Variants in FOXP2 observed in about 807,000 individuals in gnomAD.
FOXP2 encodes forkhead box protein P2.
FOXP2 carries 12 observed loss-of-function variants against 115.8 expected under a neutral mutation model. The ratio of observed to expected loss-of-function variants is 0.10; its 90% confidence interval spans 0.07 to 0.17. The LOEUF (loss-of-function observed/expected upper bound fraction) is 0.17, where lower values mean the gene tolerates loss of function less well. Ranked by LOEUF, FOXP2 falls within the 10% of genes least tolerant of loss-of-function variation. The pLI is 1.00. For synonymous variants in FOXP2, 328 were observed against 297.7 expected (o/e 1.10, Z -1.05); for missense variants, 629 against 843.5 (o/e 0.75, Z 3.15).
In FOXP2 at chr7:114,282,358, A is replaced by G. The variant is rs569367430; in HGVS notation, c.-101-5661A>G. On this transcript the variant is annotated intron_variant, in intron 1 of 17. Transcript: ENST00000634411. ...CTTAACTCCAAAATTTATGACCTCA[A>G]TAATGTTTTTTTGAAGTTCCAAAAT... 1.1e-4 allele frequency among the ~76,000 whole-genome samples: 17 copies of G among 152,252 alleles called. No homozygotes were observed. The East Asian group carries it at 1.2e-3, about 10-fold the overall frequency.
chr7:114,645,550 A>C (rs1479904072), intron 8 of FOXP2: 1 of 152,158 alleles, frequency 6.6e-6, no homozygotes, highest in Non-Finnish European at 1.5e-5. Context: ...CAAGAGATCT[A>C]AACAGAGAGC....
chr7:114,221,350 G>T (rs933153825), intron 1 of FOXP2, among the ~76,000 whole-genome samples: 2 of 152,070 alleles, frequency 1.3e-5, no homozygotes, highest in Non-Finnish European at 2.9e-5. Flanking sequence ...GCTGGGTACT[G>T]CCAAGACATA....
chr7:114,584,909 A>C (rs543887368), intron 3 of FOXP2, among the ~76,000 whole-genome samples: 1 of 152,354 alleles, frequency 6.6e-6, no homozygotes, highest in South Asian at 2.1e-4. Flanking sequence ...AATACACACA[A>C]GTGTTTCTAG....
intron 1 of FOXP2, among the ~76,000 whole-genome samples, chr7:114,200,626 A>G (rs1467589495): frequency 6.6e-6 from 1 of 152,208 alleles, no homozygotes; most frequent in Non-Finnish European, 1.5e-5. Context: ...GTTGGGTAGT[A>G]CAAAAGTCAG....
At chr7:114,485,090 A>G (rs1796717623) in intron 2 of FOXP2, among the ~76,000 whole-genome samples, 1 of 152,008 alleles carries the variant, frequency 6.6e-6, no homozygotes, top group Admixed American at 6.6e-5. Context: ...TTTTGTTAAC[A>G]TTATAAAATA....
intron 1 of FOXP2, among the ~76,000 whole-genome samples, chr7:114,215,992 C>G (rs1208542726): frequency 1.3e-5 from 2 of 152,154 alleles, no homozygotes; most frequent in African/African-American, 2.4e-5. Context: ...ACCTACCTAG[C>G]CACTGGCAGA....
intron 3 of FOXP2, among the ~76,000 whole-genome samples, chr7:114,593,855 A>G (rs1382408766): frequency 6.6e-6 from 1 of 152,044 alleles, no homozygotes; most frequent in Non-Finnish European, 1.5e-5. Flanking sequence ...TATGATGCTA[A>G]AAATGTATAG....
intron 2 of FOXP2, among the ~76,000 whole-genome samples, chr7:114,487,159 C>A (rs1796827026): frequency 6.6e-6 from 1 of 152,196 alleles, no homozygotes; most frequent in Non-Finnish European, 1.5e-5. Flanking sequence ...TGCGTACATC[C>A]TCTGAAATCT....
chr7:114,383,354 G>C (rs1456630539), intron 2 of FOXP2, among the ~76,000 whole-genome samples: 1 of 152,018 alleles, frequency 6.6e-6, no homozygotes, highest in African/African-American at 2.4e-5. Flanking sequence ...AGGGAACATT[G>C]GCACTCTTTG....
Position 114,384,344 on chromosome 7 carries a change from A to C in FOXP2, c.-10-42158A>C, listed in dbSNP as rs554314315. Among the ~76,000 whole-genome samples, 8 of 152,344 alleles carry C rather than the reference A, an allele frequency of 5.3e-5. No homozygotes were observed. In the South Asian group the frequency reaches 1.7e-3, roughly 32 times the overall value. On this transcript the variant is annotated intron_variant, in intron 2 of 17. Transcript: ENST00000634411. Reference sequence around the variant, plus strand: ...AACAGTTCTTATGCAAATTCATTTCAGAGAGGGTATAGCTAACCTTTTGAG... The same window carrying C: ...AACAGTTCTTATGCAAATTCATTTCCGAGAGGGTATAGCTAACCTTTTGAG...
In FOXP2 at chr7:114,644,668, G is replaced by T; in HGVS notation, c.990-17G>T. 1 of 1,601,954 alleles carries T rather than the reference G, an allele frequency of 6.2e-7. No homozygotes were observed. The highest frequency in any genetic ancestry group is 1.7e-5 in the Admixed American group (1 of 59,982). ...AGCTTTTTGAGATGAATCTGACGTC[G>T]TGTTCTTTTGCTACAGCTCGTCACA... On this transcript the variant is annotated splice_polypyrimidine_tract_variant and intron_variant, in intron 7 of 16. Transcript: ENST00000350908.
chr7:114,349,449 G>C (rs2129185441), intron 2 of FOXP2, among the ~76,000 whole-genome samples: 1 of 152,210 alleles, frequency 6.6e-6, no homozygotes, highest in African/African-American at 2.4e-5. Flanking sequence ...AAAATATCCA[G>C]AGCCAGTATT....
chr7:114,436,106 G>A (rs1483574899), intron 2 of FOXP2, among the ~76,000 whole-genome samples: 1 of 152,028 alleles, frequency 6.6e-6, no homozygotes, highest in Non-Finnish European at 1.5e-5. Flanking sequence ...AACTTCTTGA[G>A]TTCAATACTA....
chr7:114,428,549 C>T (rs1056729679), intron 2 of FOXP2, among the ~76,000 whole-genome samples: 1 of 151,238 alleles, frequency 6.6e-6, no homozygotes, highest in Non-Finnish European at 1.5e-5. Context: ...ATGGTGGGTG[C>T]CTACATAGCT....
intron 3 of FOXP2, chr7:114,538,234 A>G: frequency 6.2e-6 from 6 of 961,310 alleles, no homozygotes; most frequent in Non-Finnish European, 8.8e-6. Context: ...TTTTTGTAAA[A>G]TACATTTTCA....
chr7:114,390,593 G>T (rs550420678), intron 2 of FOXP2, among the ~76,000 whole-genome samples: 10 of 151,646 alleles, frequency 6.6e-5, no homozygotes, highest in Admixed American at 3.9e-4. Context: ...TTACTCTGTC[G>T]CCCATGCTGG....
chr7:114,120,698 A>ATGTG (rs111628410), intron 1 of FOXP2, among the ~76,000 whole-genome samples: 1,506 of 149,392 alleles, frequency 0.01, 11 homozygotes, highest in African/African-American at 0.034. Flanking sequence ...GTGTATATGT[A>ATGTG]TGTGTGTGTG....
At chr7:114,474,724 G>T (rs1280601175) in intron 2 of FOXP2, among the ~76,000 whole-genome samples, 1 of 152,096 alleles carries the variant, frequency 6.6e-6, no homozygotes, top group Non-Finnish European at 1.5e-5. Context: ...TTTTCAGGTA[G>T]TTTTCCAATC....
At chr7:114,318,743 A>G (rs1797337524) in intron 2 of FOXP2, among the ~76,000 whole-genome samples, 1 of 151,706 alleles carries the variant, frequency 6.6e-6, no homozygotes, top group Non-Finnish European at 1.5e-5. Context: ...ACACGCACAG[A>G]CATATGGAAT....
Sources: gnomAD v4.1 joint callset for allele counts (sites outside exome capture counted in the v4.1 genomes callset) on GRCh38, gnomAD v4.1.1 for gene constraint, MANE v1.5 for transcripts, NCBI Gene and HGNC (gene_info 2026-07-23, HGNC 2026-07-21) for gene names.